Variants in RSU1 observed in about 807,000 individuals in gnomAD.
RSU1 encodes the protein rsu-1.
A neutral mutation model predicts 31.1 loss-of-function variants in RSU1; 26 were observed. The ratio of observed to expected loss-of-function variants is 0.84; its 90% CI spans 0.61 to 1.16. The LOEUF is 1.16. Among genes scored for constraint, RSU1 ranks in the 50% most tolerant of loss-of-function variants. RSU1 has a pLI of 0.00. For missense variants in RSU1, 320 were observed against 339.1 expected (o/e 0.94, Z 0.44); for synonymous variants, 164 against 136.3 (o/e 1.20, Z -1.41).
intron 7 of RSU1, among the ~76,000 whole-genome samples, chr10:16,742,610 TAA>T (rs975227094): frequency 1.4e-5 from 2 of 144,770 alleles, no homozygotes; most frequent in Non-Finnish European, 3.1e-5. Context: ...CTCTGGAATT[TAA>T]AAAAAAAAAA....
chr10:16,693,460 G>A (rs909260767), intron 8 of RSU1, among the ~76,000 whole-genome samples: 28 of 151,714 alleles, frequency 1.8e-4, no homozygotes, highest in African/African-American at 6.0e-4. Flanking sequence ...CTTGAGTGTG[G>A]GACATATTTC....
intron 8 of RSU1, among the ~76,000 whole-genome samples, chr10:16,640,048 A>C (rs1309440252): frequency 2.6e-5 from 4 of 152,202 alleles, no homozygotes; most frequent in Admixed American, 6.5e-5. Context: ...CAAAGTTTCC[A>C]AAGTTTCTTT....
At position 16,591,395 on chromosome 10, in the gene RSU1, T is replaced by G. The variant is rs1486560724; in HGVS notation, c.*1999A>C. 1 of 152,186 alleles carries G rather than the reference T, an allele frequency of 6.6e-6. No homozygotes were observed. Among genetic ancestry groups the G allele is most frequent in the African/African-American group, 2.4e-5 (1 of 41,442 alleles). 9.4% of individuals were successfully genotyped at this position (152,186 alleles called of 1,614,324 possible). The stretch of plus-strand genomic sequence containing the variant: ...GGATAATTTCCTCAGGATACATTCC[T>G]AGAAATAAAAATTCTGGGCCCCAGT... On this transcript the variant is annotated 3_prime_UTR_variant, in exon 9 of 9. Coordinates refer to ENST00000345264, the MANE Select transcript of RSU1 (RefSeq NM_012425.4).
chr10:16,673,304 T>C (rs985017664), intron 8 of RSU1, among the ~76,000 whole-genome samples: 2 of 152,222 alleles, frequency 1.3e-5, no homozygotes, highest in African/African-American at 4.8e-5. Flanking sequence ...CAGCCACACT[T>C]ATTCTCAAAA....
chr10:16,593,989 T>A (rs1833558923), intron 8 of RSU1, among the ~76,000 whole-genome samples: 1 of 152,216 alleles, frequency 6.6e-6, no homozygotes, highest in South Asian at 2.1e-4. Flanking sequence ...CAATGCCACA[T>A]TAATAAGTAC....
Position 16,685,467 on chromosome 10 carries a change from T to C in RSU1, c.731+9556A>G, listed in dbSNP as rs549591611. The stretch of plus-strand genomic sequence containing the variant: ...GCCCCAAGGGCTGCTGTTTGCCCAT[T>C]TTTATGGTTATTTCTTGATGATATG... On this transcript the variant is annotated intron_variant, in intron 8 of 8. Transcript: ENST00000345264. Among the ~76,000 whole-genome samples the C allele has an allele frequency of 6.6e-5, 10 of 152,186 alleles. No homozygotes were observed. The South Asian group carries it at 2.1e-3, about 32-fold the overall frequency.
At chr10:16,594,390 T>C (rs990802140) in intron 8 of RSU1, among the ~76,000 whole-genome samples, 1 of 151,336 alleles carries the variant, frequency 6.6e-6, no homozygotes, top group African/African-American at 2.4e-5. Context: ...TTGGGCTGTT[T>C]AGCATATACT....
intron 2 of RSU1, among the ~76,000 whole-genome samples, chr10:16,796,748 G>A (rs1487482625): frequency 6.6e-6 from 1 of 152,130 alleles, no homozygotes; most frequent in Non-Finnish European, 1.5e-5. Context: ...GAGGCAGCAT[G>A]GCAGATTTTA....
chr10:16,731,171 C>G (rs935690058), intron 7 of RSU1, among the ~76,000 whole-genome samples: 1 of 152,090 alleles, frequency 6.6e-6, no homozygotes, highest in Admixed American at 6.6e-5. Context: ...TTTTATGTTC[C>G]ATCATCTACT....
intron 8 of RSU1, among the ~76,000 whole-genome samples, chr10:16,612,193 C>T (rs1373555347): frequency 6.6e-6 from 1 of 152,092 alleles, no homozygotes; most frequent in Non-Finnish European, 1.5e-5. Flanking sequence ...TGGTTGTGTG[C>T]CCAACGTTTT....
At chr10:16,659,692 C>G (rs1834853732) in intron 8 of RSU1, among the ~76,000 whole-genome samples, 1 of 152,218 alleles carries the variant, frequency 6.6e-6, no homozygotes, top group Non-Finnish European at 1.5e-5. Flanking sequence ...GACAGCCCAT[C>G]TCTACTACTT....
intron 8 of RSU1, among the ~76,000 whole-genome samples, chr10:16,680,774 T>C (rs1040748026): frequency 1.1e-4 from 16 of 152,158 alleles, no homozygotes; most frequent in Non-Finnish European, 2.1e-4. Context: ...CCTCCAATGC[T>C]GGGGATTGCA....
intron 2 of RSU1, among the ~76,000 whole-genome samples, chr10:16,800,986 G>A (rs114568049): frequency 0.053 from 7,830 of 148,436 alleles, 257 homozygotes; most frequent in African/African-American, 0.097. Context: ...ACAAGGGCAA[G>A]AATAGAAAAC....
chr10:16,761,940 T>C (rs1164538435), intron 4 of RSU1, among the ~76,000 whole-genome samples: 1 of 152,128 alleles, frequency 6.6e-6, no homozygotes, highest in Non-Finnish European at 1.5e-5. Context: ...TTCTCACGCA[T>C]CAAGTCTCGG....
chr10:16,754,937 C>T lies in RSU1; in HGVS notation c.334G>A (p.Glu112Lys). 1 of 1,613,658 alleles carries T rather than the reference C, an allele frequency of 6.2e-7. No homozygotes were observed. Among genetic ancestry groups the T allele is most frequent in the Non-Finnish European group, 8.5e-7 (1 of 1,179,818 alleles). The change falls in exon 5 of 9, where the codon GAG becomes AAG. Residue 112 changes from glutamate (E) to lysine (K), a missense_variant. Coordinates refer to ENST00000345264, the MANE Select transcript of RSU1 (RefSeq NM_012425.4). ...TTGTTGTACGTCAAGTCCAGAACCTCAAGAGCTGGCAGGGAGCCGAAGCCT... is the reference window on the plus strand; with the variant it reads ...TTGTTGTACGTCAAGTCCAGAACCTTAAGAGCTGGCAGGGAGCCGAAGCCT... ...PRGFGSLPAL[E>K]VLDLTYNNLS...
chr10:16,634,380 G>A (rs973101622), intron 8 of RSU1, among the ~76,000 whole-genome samples: 1 of 152,132 alleles, frequency 6.6e-6, no homozygotes, highest in Non-Finnish European at 1.5e-5. Context: ...CAGTGGATGC[G>A]CAACCTTTTT....
chr10:16,769,606 G>T (rs903395673), intron 3 of RSU1, among the ~76,000 whole-genome samples: 5 of 152,194 alleles, frequency 3.3e-5, no homozygotes, highest in Non-Finnish European at 7.3e-5. Flanking sequence ...GCAGGTTTAG[G>T]GTAAAGCCTG....
At chr10:16,799,970 G>C (rs1013462068) in intron 2 of RSU1, among the ~76,000 whole-genome samples, 1 of 152,038 alleles carries the variant, frequency 6.6e-6, no homozygotes, top group African/African-American at 2.4e-5. Context: ...CATCAGAAGG[G>C]GTCCTATAAA....
At chr10:16,752,737 C>A in intron 6 of RSU1, 84 bp from the exon 7 acceptor site, 1 of 1,106,836 alleles carries the variant, frequency 9.0e-7, no homozygotes, top group Non-Finnish European at 1.4e-6. Context: ...GTCCTCTCTT[C>A]TACTAAAGCT....
Sources: gnomAD v4.1 joint callset for allele counts (sites outside exome capture counted in the v4.1 genomes callset) on GRCh38, gnomAD v4.1.1 for gene constraint, MANE v1.5 for transcripts, NCBI Gene and HGNC (gene_info 2026-07-23, HGNC 2026-07-21) for gene names.